Variants in VWA8 observed in about 807,000 individuals in gnomAD.
The protein encoded by VWA8 is von Willebrand factor A domain containing 8.
In VWA8, 221 loss-of-function variants were observed where a neutral mutation model predicts 241.5. That is an observed-to-expected ratio of 0.91 (90% CI 0.82 to 1.02). The LOEUF (loss-of-function observed/expected upper bound fraction) is 1.02. Among genes scored for constraint, VWA8 ranks in the 50% least tolerant of loss-of-function variants. The pLI, the probability that VWA8 is intolerant of heterozygous loss-of-function variation, is 0.00. For synonymous variants in VWA8, 852 were observed against 827.1 expected, an observed-to-expected ratio of 1.03 and a Z score of -0.52; for missense variants, 2,322 against 2,328.7, an observed-to-expected ratio of 1.00 and a Z score of 0.06.
intron 36 of VWA8, among the ~76,000 whole-genome samples, chr13:41,671,475 G>A (rs1242362916): frequency 6.6e-6 from 1 of 152,128 alleles, no homozygotes; most frequent in African/African-American, 2.4e-5. Context: ...AAACAAAGCT[G>A]GTTTAAACTG....
intron 37 of VWA8, among the ~76,000 whole-genome samples, chr13:41,646,083 C>T (rs1437278936): frequency 2.0e-5 from 3 of 151,884 alleles, no homozygotes; most frequent in South Asian, 2.1e-4. Flanking sequence ...TCTTCTGCCT[C>T]GGCCTCCCGA....
chr13:41,611,828 T>C (rs2044591232), intron 38 of VWA8, 96 bp from the exon 39 acceptor site: 1 of 1,348,924 alleles, frequency 7.4e-7, no homozygotes, highest in African/African-American at 1.5e-5. Context: ...TGGAGGATAT[T>C]AATTGTACTT....
At chr13:41,587,133 C>T (rs531501359) in intron 42 of VWA8, among the ~76,000 whole-genome samples, 1 of 152,104 alleles carries the variant, frequency 6.6e-6, no homozygotes, top group Non-Finnish European at 1.5e-5. Flanking sequence ...GGAAATGGAA[C>T]GTGATACTGA....
At chr13:41,573,486 A>ATAAATATATATAT (rs1555303592) in intron 43 of VWA8, among the ~76,000 whole-genome samples, 2 of 113,614 alleles carry the variant, frequency 1.8e-5, no homozygotes, top group African/African-American at 6.9e-5. Context: ...AAAAAAAAAA[A>ATAAATATATATAT]ATATATATAT....
At position 41,568,004 on chromosome 13, in the gene VWA8, T is replaced by C; in HGVS notation, c.*193A>G. ...TTCTAAACTCATCAGTGGAGTATCT[T>C]TCCATGTTTAAGTCTCCTTCTGGCT... On this transcript the variant is annotated 3_prime_UTR_variant, in exon 45 of 45. Coordinates refer to ENST00000379310, the MANE Select transcript of VWA8 (RefSeq NM_015058.2). 1.7e-6 allele frequency: 1 copy of C among 572,274 alleles called. No individual in the cohort carries two copies. The highest frequency in any genetic ancestry group is 3.1e-5 in the Admixed American group (1 of 32,002). 35.4% of individuals were successfully genotyped at this position (572,274 alleles called of 1,614,324 possible). A position where few individuals can be genotyped will look rare whatever the true frequency, so the allele number is the denominator to read the frequency against.
At chr13:41,698,954 C>T in intron 29 of VWA8, 117 bp downstream of exon 29, 1 of 1,385,710 alleles carries the variant, frequency 7.2e-7, no homozygotes, top group Non-Finnish European at 1.0e-6. Flanking sequence ...CTGACCCATC[C>T]CTCCAGCTCC....
Position 41,729,696 on chromosome 13 carries a change from T to G in VWA8, c.2503-19A>C. ...CTTTAACCTTTGACGACAGAAAATTTATCATAAACAATTAAATGAAGACAG... is the reference window on the plus strand; with the variant it reads ...CTTTAACCTTTGACGACAGAAAATTGATCATAAACAATTAAATGAAGACAG... On this transcript the variant is annotated intron_variant, in intron 22 of 44. Coordinates refer to ENST00000379310, the MANE Select transcript of VWA8 (RefSeq NM_015058.2). The G allele has an allele frequency of 6.2e-7, 1 of 1,600,034 alleles. No homozygotes were observed. The highest frequency in any genetic ancestry group is 1.1e-5 in the South Asian group (1 of 87,880).
intron 2 of VWA8, among the ~76,000 whole-genome samples, chr13:41,924,524 A>T (rs1306807606): frequency 6.6e-6 from 1 of 152,146 alleles, no homozygotes; most frequent in East Asian, 1.9e-4. Context: ...AGCCCATGGG[A>T]CTTATGGGAC....
intron 1 of VWA8, among the ~76,000 whole-genome samples, chr13:41,953,049 C>T (rs2138168875): frequency 6.6e-6 from 1 of 152,150 alleles, no homozygotes; most frequent in South Asian, 2.1e-4. Flanking sequence ...GGGAAATAAA[C>T]ATGAAGCAAA....
In VWA8 at chr13:41,833,549, C is replaced by T. The variant is rs1384333763; in HGVS notation, c.1426-18G>A. ...GTCATATCCTAAAACAAATCCCCAC[C>T]ACCCAACAAAGAACATGACGAATTA... On this transcript the variant is annotated intron_variant, in intron 12 of 44. Coordinates refer to ENST00000379310, the MANE Select transcript of VWA8 (RefSeq NM_015058.2). 17 of 1,586,060 alleles carry T rather than the reference C, an allele frequency of 1.1e-5. No individual in the cohort carries two copies. In the Admixed American group the frequency reaches 2.9e-4, roughly 27 times the overall value.
intron 17 of VWA8, among the ~76,000 whole-genome samples, 167 bp downstream of exon 17, chr13:41,811,058 A>G (rs965292935): frequency 1.3e-5 from 2 of 152,138 alleles, no homozygotes; most frequent in South Asian, 2.1e-4. Context: ...TTAAAAGATA[A>G]TATGTTGTAT....
intron 16 of VWA8, among the ~76,000 whole-genome samples, chr13:41,816,474 G>GTTTCTTTCTAT (rs1870698445): frequency 6.6e-6 from 1 of 152,150 alleles, no homozygotes; most frequent in African/African-American, 2.4e-5. Flanking sequence ...AAGTACTCTG[G>GTTTCTTTCTAT]AGCTACAAGT....
chr13:41,917,678 G>C (rs1290768323), intron 2 of VWA8, among the ~76,000 whole-genome samples: 1 of 152,178 alleles, frequency 6.6e-6, no homozygotes, highest in Non-Finnish European at 1.5e-5. Context: ...GGATTTGGTG[G>C]ATATGAATAG....
intron 2 of VWA8, among the ~76,000 whole-genome samples, chr13:41,934,761 A>C (rs76395213): frequency 0.012 from 1,775 of 152,182 alleles, 37 homozygotes; most frequent in African/African-American, 0.041. Flanking sequence ...ACCAGGAAAC[A>C]TTACAAAGAG....
chr13:41,698,035 CTT>C (rs904945395), intron 29 of VWA8, among the ~76,000 whole-genome samples: 8 of 152,232 alleles, frequency 5.3e-5, no homozygotes, highest in African/African-American at 1.9e-4. Context: ...TCTCTAAAAT[CTT>C]TGTTTAAATA....
chr13:41,829,563 ACACATG>A (rs1255511974), intron 14 of VWA8, among the ~76,000 whole-genome samples: 3 of 135,948 alleles, frequency 2.2e-5, no homozygotes, highest in African/African-American at 5.7e-5. Flanking sequence ...ACACACACAC[ACACATG>A]CACACACACA....
In VWA8 at chr13:41,953,908, C is replaced by T. The variant is rs545541120; in HGVS notation, c.164-3895G>A. ...CTGGAAATCAGTAACAAAAAGGTAACTGGAAAATCCCCAAACATTTGGAAA... is the reference window on the plus strand; with the variant it reads ...CTGGAAATCAGTAACAAAAAGGTAATTGGAAAATCCCCAAACATTTGGAAA... On this transcript the variant is annotated intron_variant, in intron 1 of 44. Coordinates refer to ENST00000379310, the MANE Select transcript of VWA8 (RefSeq NM_015058.2). Among the ~76,000 whole-genome samples the T allele has an allele frequency of 3.9e-4, 59 of 152,308 alleles. 1 individual carries two copies. The South Asian group carries it at 0.012, about 32-fold the overall frequency.
At chr13:41,738,278 C>G (rs2045541156) in intron 21 of VWA8, among the ~76,000 whole-genome samples, 1 of 151,896 alleles carries the variant, frequency 6.6e-6, no homozygotes. Context: ...TGCTCAGATG[C>G]AAAAAATCCT....
rs529272594 is a variant in VWA8 at position 41,646,949 on chromosome 13, C to T, written c.4611+23997G>A. ...CAGGACATTGGGTGTACTATGTAAT[C>T]TGTTTGAAAATCTGTTTCTTCATCT... On this transcript the variant is annotated intron_variant, in intron 37 of 44. Transcript: ENST00000379310. Among the ~76,000 whole-genome samples the T allele has an allele frequency of 4.6e-5, 7 of 152,298 alleles. 1 individual carries two copies. The South Asian group carries it at 1.5e-3, about 32-fold the overall frequency.
Sources: gnomAD v4.1 joint callset for allele counts (sites outside exome capture counted in the v4.1 genomes callset) on GRCh38, gnomAD v4.1.1 for gene constraint, MANE v1.5 for transcripts, NCBI Gene and HGNC (gene_info 2026-07-23, HGNC 2026-07-21) for gene names.